FBXO42: variants seen among roughly 807,000 people sequenced by gnomAD.
FBXO42 encodes the protein F-box protein 42.
A neutral mutation model predicts 71.7 loss-of-function variants in FBXO42; 12 were observed. The ratio of observed to expected loss-of-function variants is 0.17; its 90% CI spans 0.11 to 0.27. FBXO42 has a LOEUF of 0.27. FBXO42 is among the 10% of genes least tolerant of loss of function. The pLI is 1.00. For missense variants in FBXO42, 707 were observed against 911.9 expected, an observed-to-expected ratio of 0.78 and a Z score of 2.89; for synonymous variants, 325 against 327.5, an observed-to-expected ratio of 0.99 and a Z score of 0.08.
At chr1:16,282,220 C>CTTT (rs58853820) in intron 4 of FBXO42, among the ~76,000 whole-genome samples, 9 of 136,250 alleles carry the variant, frequency 6.6e-5, no homozygotes, top group Non-Finnish European at 6.2e-5. Flanking sequence ...GAGACATTTT[C>CTTT]TTTTTTTTTT....
chr1:16,340,404 C>T (rs372132800), intron 1 of FBXO42, among the ~76,000 whole-genome samples: 2 of 151,862 alleles, frequency 1.3e-5, no homozygotes, highest in Non-Finnish European at 2.9e-5. Flanking sequence ...CTGCAGCCTC[C>T]GCCTCTCCCA....
rs868439966 is a variant in FBXO42, at chr1:16,262,571, G to C, written c.503-5812C>G. ...AAAATACAAAAATTAGCCAGGTGTG[G>C]TGGCATGTGCCTGTGGTCCCAGGTT... is the stretch of plus-strand genomic sequence containing the variant. On this transcript the variant is annotated intron_variant, in intron 4 of 9. Transcript: ENST00000375592. Among the ~76,000 whole-genome samples the C allele has an allele frequency of 1.4e-4, 22 of 152,220 alleles. 1 individual carries two copies. The Middle Eastern group carries it at 0.017, about 118-fold the overall frequency.
chr1:16,279,854 C>CTTTTCTTTCT (rs144698838), intron 4 of FBXO42, among the ~76,000 whole-genome samples: 2 of 138,168 alleles, frequency 1.4e-5, no homozygotes, highest in Non-Finnish European at 3.1e-5. Flanking sequence ...TTTTTTTTTT[C>CTTTTCTTTCT]TTTTTTTTTT....
intron 6 of FBXO42, among the ~76,000 whole-genome samples, chr1:16,255,365 C>T (rs1242968202): frequency 2.7e-5 from 4 of 149,716 alleles, no homozygotes; most frequent in East Asian, 2.0e-4. Flanking sequence ...TTAAGAGTCT[C>T]GATCTGTTGC....
At chr1:16,325,152 C>A (rs1044811014) in intron 1 of FBXO42, among the ~76,000 whole-genome samples, 6 of 152,056 alleles carry the variant, frequency 3.9e-5, no homozygotes, top group Admixed American at 1.3e-4. Context: ...GTGGGAGGAT[C>A]TCTTGAGCCC....
intron 4 of FBXO42, among the ~76,000 whole-genome samples, chr1:16,276,379 CA>C (rs34711223): frequency 0.43 from 41,792 of 97,174 alleles, 6,011 homozygotes; most frequent in African/African-American, 0.48. Context: ...CACTCTGTCT[CA>C]AAAAAAAAAA....
At chr1:16,284,735 A>C (rs1373240729) in intron 4 of FBXO42, among the ~76,000 whole-genome samples, 1 of 152,190 alleles carries the variant, frequency 6.6e-6, no homozygotes, top group African/African-American at 2.4e-5. Context: ...TGGGAGGCCA[A>C]GGCAGGAGGA....
At chr1:16,285,077 C>T (rs181816379) in intron 4 of FBXO42, among the ~76,000 whole-genome samples, 18 of 151,416 alleles carry the variant, frequency 1.2e-4, no homozygotes, top group Non-Finnish European at 2.2e-4. Context: ...ACCTAGTTGG[C>T]GGAGGCTGCA....
intron 4 of FBXO42, among the ~76,000 whole-genome samples, chr1:16,272,053 G>T (rs1186805753): frequency 1.3e-5 from 2 of 148,562 alleles, no homozygotes; most frequent in African/African-American, 4.9e-5. Flanking sequence ...TACTCGAGAG[G>T]CTAAGGCAGG....
intron 2 of FBXO42, among the ~76,000 whole-genome samples, chr1:16,314,571 A>C (rs775437238): frequency 5.3e-5 from 8 of 152,246 alleles, no homozygotes; most frequent in Non-Finnish European, 1.2e-4. Context: ...AGCTATGTTC[A>C]CATTGGCTAT....
Position 16,321,223 on chromosome 1 carries a change from T to C in FBXO42, c.-17-5788A>G, listed in dbSNP as rs2082407483. Among the ~76,000 whole-genome samples, 3 of 152,176 alleles carry C rather than the reference T, an allele frequency of 2.0e-5. No individual in the cohort carries two copies. In the South Asian group the frequency reaches 6.2e-4, roughly 31 times the overall value. On this transcript the variant is annotated intron_variant, in intron 1 of 9. Coordinates refer to ENST00000375592, the MANE Select transcript of FBXO42 (RefSeq NM_018994.3). Reference sequence around the variant, plus strand: ...TACCTTTGAGGGCATGTTTGCTAACTTGGCCCTAGCCACAGATGCCAAGGA... The same window carrying C: ...TACCTTTGAGGGCATGTTTGCTAACCTGGCCCTAGCCACAGATGCCAAGGA...
chr1:16,253,814 G>A, intron 6 of FBXO42, 83 bp from the exon 7 acceptor site: 1 of 1,230,842 alleles, frequency 8.1e-7, no homozygotes, highest in Non-Finnish European at 1.2e-6. Flanking sequence ...ACATGCCTGT[G>A]GCCCATCTGG....
At chr1:16,311,349 G>A (rs1033829852) in intron 2 of FBXO42, among the ~76,000 whole-genome samples, 2 of 150,572 alleles carry the variant, frequency 1.3e-5, no homozygotes, top group Non-Finnish European at 3.0e-5. Flanking sequence ...TTAGCTGGGT[G>A]TGGTGGTACA....
At chr1:16,319,783 C>T (rs984301195) in intron 1 of FBXO42, among the ~76,000 whole-genome samples, 7 of 151,826 alleles carry the variant, frequency 4.6e-5, no homozygotes, top group Non-Finnish European at 7.4e-5. Flanking sequence ...TGGTGCCGTG[C>T]ACCTGTAGTC....
chr1:16,256,056 G>C (rs930446799), intron 5 of FBXO42, among the ~76,000 whole-genome samples: 1 of 152,188 alleles, frequency 6.6e-6, no homozygotes, highest in South Asian at 2.1e-4. Flanking sequence ...AGAAAACGAT[G>C]ACAAGAGACA....
At chr1:16,272,443 G>T in intron 4 of FBXO42, among the ~76,000 whole-genome samples, 1 of 152,012 alleles carries the variant, frequency 6.6e-6, no homozygotes, top group East Asian at 2.0e-4. Context: ...ATTTTAAGTA[G>T]AGACCGGGTT....
rs887985843 is a variant in FBXO42, at chr1:16,250,436, A to T, written c.*234T>A. ...AACAACTTTATCTGAACCAGGATGGAAATCTCTCCCTTTTTTTGTCAACAG... is the reference window on the plus strand; with the variant it reads ...AACAACTTTATCTGAACCAGGATGGTAATCTCTCCCTTTTTTTGTCAACAG... On this transcript the variant is annotated 3_prime_UTR_variant, in exon 10 of 10. Coordinates refer to ENST00000375592, the MANE Select transcript of FBXO42 (RefSeq NM_018994.3). This position sits in a 1 kb window ranked among gnomAD's most constrained non-coding sequence, Gnocchi z 4.7. 5.7e-5 allele frequency: 9 copies of T among 159,244 alleles called. No homozygotes were observed. The highest frequency in any genetic ancestry group is 1.9e-4 in the African/African-American group (8 of 41,462). 9.9% of individuals were successfully genotyped at this position (159,244 alleles called of 1,614,324 possible).
chr1:16,286,732 A>T (rs1369951043), intron 4 of FBXO42, among the ~76,000 whole-genome samples: 1 of 152,154 alleles, frequency 6.6e-6, no homozygotes, highest in Non-Finnish European at 1.5e-5. Flanking sequence ...TTTCAAGTGG[A>T]ATTTCTCATC....
At chr1:16,289,599 T>G (rs1472988662) in intron 4 of FBXO42, among the ~76,000 whole-genome samples, 2 of 152,084 alleles carry the variant, frequency 1.3e-5, no homozygotes, top group Non-Finnish European at 2.9e-5. Context: ...AACATGTCCT[T>G]TTCTTTGCTG....
Sources: allele counts gnomAD v4.1 joint callset (sites outside exome capture counted in the v4.1 genomes callset), GRCh38; gene constraint gnomAD v4.1.1; non-coding constraint Gnocchi (gnomAD v3.1); transcripts MANE v1.5; gene names NCBI Gene and HGNC (gene_info 2026-07-23, HGNC 2026-07-21).